MFGE8: variants seen among roughly 807,000 people sequenced by gnomAD.
The protein encoded by MFGE8 is lactadherin.
In MFGE8, 34 loss-of-function variants were observed where a neutral mutation model predicts 42.6. The observed-to-expected ratio is 0.80, with a 90% CI of 0.61 to 1.06. MFGE8 has a LOEUF of 1.06. Among genes scored for constraint, MFGE8 ranks in the 50% least tolerant of loss-of-function variants. The pLI, the probability that MFGE8 is intolerant of heterozygous loss-of-function variation, is 0.00. For missense variants in MFGE8, 510 were observed against 516.9 expected, an observed-to-expected ratio of 0.99 and a Z score of 0.13; for synonymous variants, 230 against 214.8, an observed-to-expected ratio of 1.07 and a Z score of -0.62.
rs1157949381 is a variant in MFGE8 at position 88,901,116 on chromosome 15, TACACATTCACACAC to T, written c.870+421_870+434del. ...ACATTCACAAATACACATTCACACA[TACACATTCACACAC>T]ACACATTCACACACACATTCTCACA... On this transcript the variant is annotated intron_variant, in intron 6 of 7. Transcript: ENST00000268150. 1.6e-4 allele frequency among the ~76,000 whole-genome samples: 10 copies of T among 62,912 alleles called. 3 individuals carry two copies. Among genetic ancestry groups the T allele is most frequent in the Admixed American group, 5.5e-4 (3 of 5,426 alleles). The allele number at this position is 62,912 out of a possible 152,430, so 41.3% of individuals were successfully genotyped here. A position where few individuals can be genotyped will look rare whatever the true frequency, so the allele number is the denominator to read the frequency against.
intron 1 of MFGE8, chr15:88,910,984 G>A (rs1395010378): frequency 6.6e-6 from 1 of 152,240 alleles, no homozygotes; most frequent in Non-Finnish European, 1.5e-5. Flanking sequence ...AGTTCCAATT[G>A]CGGGATGAAG....
At chr15:88,912,078 T>C (rs1898988423) in intron 1 of MFGE8, 2 of 1,278,742 alleles carry the variant, frequency 1.6e-6, no homozygotes, top group Non-Finnish European at 2.0e-6. Flanking sequence ...AACGGTCCAG[T>C]GGGAAAAAGG....
intron 1 of MFGE8, chr15:88,910,152 G>C (rs1386898322): frequency 4.0e-6 from 2 of 502,238 alleles, no homozygotes; most frequent in African/African-American, 3.9e-5. Flanking sequence ...AGCTTTCCAA[G>C]TGGCCTGGGA....
rs568619975 is a variant in MFGE8 at position 88,899,429 on chromosome 15, C to A, written c.1130G>T (p.Arg377Leu). The stretch of plus-strand genomic sequence containing the variant: ...CAGCAGCTCCAGGCGCAGGGCGATG[C>A]GGTTGTGCCAGGCTACAGGCAGGAT... ...VRILPVAWHN[R>L]IALRLELLGC The change falls in exon 8 of 8, where the codon CGC becomes CTC. Residue 377 changes from arginine to leucine, a missense_variant. By Grantham distance (102) the Arg-to-Leu change is moderately radical. Coordinates refer to ENST00000268150, the MANE Select transcript of MFGE8 (RefSeq NM_005928.4). The surrounding 1 kb of genome is among the most constrained non-coding windows in gnomAD (Gnocchi z 6.8). The A allele has an allele frequency of 1.2e-6, 2 of 1,614,186 alleles. No individual in the cohort carries two copies. Among genetic ancestry groups the A allele is most frequent in the Admixed American group, 1.7e-5 (1 of 60,032 alleles).
chr15:88,899,572 C>T lies in MFGE8; in HGVS notation c.1027-40G>A, dbSNP rs947897987. 4 of 1,613,990 alleles carry T rather than the reference C, an allele frequency of 2.5e-6. No homozygotes were observed. The highest frequency in any genetic ancestry group is 3.4e-6 in the Non-Finnish European group (4 of 1,180,028). ...GGTGTCAGGAGGACCCCGAGCCAGCCCCCCTCCCCTCAGAGCCCCAGGCCA... is the reference window on the plus strand; with the variant it reads ...GGTGTCAGGAGGACCCCGAGCCAGCTCCCCTCCCCTCAGAGCCCCAGGCCA... On this transcript the variant is annotated intron_variant, in intron 7 of 7. Coordinates refer to ENST00000268150, the MANE Select transcript of MFGE8 (RefSeq NM_005928.4). This position sits in a 1 kb window ranked among gnomAD's most constrained non-coding sequence, Gnocchi z 6.8.
chr15:88,901,303 ACT>A lies in MFGE8; in HGVS notation c.870+246_870+247del, dbSNP rs1482120693. On this transcript the variant is annotated intron_variant, in intron 6 of 7. Transcript: ENST00000268150. ...CACTCACATTCACACACATTCACACACTCACACACACACATTCACACACACAC... is the reference window on the plus strand; with the variant it reads ...CACTCACATTCACACACATTCACACACACACACACACATTCACACACACAC... 1.6e-4 allele frequency among the ~76,000 whole-genome samples: 22 copies of A among 138,724 alleles called. 3 individuals carry two copies. The highest frequency in any genetic ancestry group is 3.0e-4 in the Admixed American group (4 of 13,162). 91.0% of individuals were successfully genotyped at this position (138,724 alleles called of 152,430 possible).
rs906646882 is a variant in MFGE8, at chr15:88,905,430, C to T, written c.685+327G>A. The T allele has an allele frequency of 2.4e-5, 13 of 530,804 alleles. No homozygotes were observed. The highest frequency in any genetic ancestry group is 4.3e-5 in the Non-Finnish European group (12 of 276,710). The allele number at this position is 530,804 out of a possible 1,614,324, so 32.9% of individuals were successfully genotyped here. A position where few individuals can be genotyped will look rare whatever the true frequency, so the allele number is the denominator to read the frequency against. Reference sequence around the variant, plus strand: ...AGACAGATTCTCTGCCCTCGTAAAGCTGACATCTGCCAAACACACCTAACG... The same window carrying T: ...AGACAGATTCTCTGCCCTCGTAAAGTTGACATCTGCCAAACACACCTAACG... On this transcript the variant is annotated intron_variant, in intron 5 of 7. Coordinates refer to ENST00000268150, the MANE Select transcript of MFGE8 (RefSeq NM_005928.4). The surrounding 1 kb of genome is among the most constrained non-coding windows in gnomAD (Gnocchi z 6.6).
rs1198974164 is a variant in MFGE8, at chr15:88,901,547, C to T, written c.870+4G>A. On this transcript the variant is annotated splice_donor_region_variant and intron_variant, in intron 6 of 7. Coordinates refer to ENST00000268150, the MANE Select transcript of MFGE8 (RefSeq NM_005928.4). ...AGCCCCATATCCCAAGAAGGCTGAC[C>T]CACCTGCAGCCACTGATCGTTACCG... is the stretch of plus-strand genomic sequence containing the variant. 6.2e-7 allele frequency: 1 copy of T among 1,613,124 alleles called. No homozygotes were observed. The highest frequency in any genetic ancestry group is 1.3e-5 in the African/African-American group (1 of 74,980).
At chr15:88,904,880 C>G (rs1418859909) in intron 5 of MFGE8, 1 of 152,832 alleles carries the variant, frequency 6.5e-6, no homozygotes, top group African/African-American at 2.4e-5. Context: ...TAAGAACCTC[C>G]ACTCTGCAGC....
chr15:88,909,052 CACATGTGGG>C lies in MFGE8; in HGVS notation c.205+731_205+739del, dbSNP rs944625223. Among the ~76,000 whole-genome samples, 18 of 152,334 alleles carry C rather than the reference CACATGTGGG, an allele frequency of 1.2e-4. No individual in the cohort carries two copies. The South Asian group carries it at 2.3e-3, about 19-fold the overall frequency. The stretch of plus-strand genomic sequence containing the variant: ...CCCCCGCTCCACCCATCCCTGGGCC[CACATGTGGG>C]CAACCCGCCTGCCCCATGAGGAGTC... On this transcript the variant is annotated intron_variant, in intron 2 of 7. Coordinates refer to ENST00000268150, the MANE Select transcript of MFGE8 (RefSeq NM_005928.4).
chr15:88,899,754 A>T lies in MFGE8; in HGVS notation c.928T>A (p.Phe310Ile). Reference protein sequence around the residue: ...TGIITQGARNFGSVQFVASYK... With the variant: ...TGIITQGARNIGSVQFVASYK... ...GATGCCACAAACTGGACAGAGCCAAAGTTACGGGCCCCCTGGGTGATGATG... is the reference window on the plus strand; with the variant it reads ...GATGCCACAAACTGGACAGAGCCAATGTTACGGGCCCCCTGGGTGATGATG... The change falls in exon 7 of 8, where the codon TTT (phenylalanine) becomes ATT (isoleucine). Residue 310 changes from phenylalanine (F) to isoleucine (I), a missense_variant. By Grantham distance (21) the Phe-to-Ile change is conservative. Coordinates refer to ENST00000268150, the MANE Select transcript of MFGE8 (RefSeq NM_005928.4). The surrounding 1 kb of genome is among the most constrained non-coding windows in gnomAD (Gnocchi z 6.8). The T allele has an allele frequency of 6.2e-7, 1 of 1,614,158 alleles. No individual in the cohort carries two copies. Among genetic ancestry groups the T allele is most frequent in the Non-Finnish European group, 8.5e-7 (1 of 1,179,996 alleles).
chr15:88,900,710 T>A (rs1898319870), intron 6 of MFGE8: 1 of 985,422 alleles, frequency 1.0e-6, no homozygotes, highest in Non-Finnish European at 1.2e-6. Context: ...GCTCTCGGCT[T>A]CCTCATCTAT....
intron 2 of MFGE8, among the ~76,000 whole-genome samples, chr15:88,908,469 G>T (rs886149477): frequency 2.0e-5 from 3 of 152,170 alleles, no homozygotes; most frequent in Non-Finnish European, 4.4e-5. Context: ...CAGGGTCCTT[G>T]TTGGCTCCAA....
In MFGE8 at chr15:88,899,327, A is replaced by G; in HGVS notation, c.*68T>C. ...AGTCCCCAGCCCTATGGTGATTTAA[A>G]GGGGCTGAGAAGCCAAGAGGCAGCG... On this transcript the variant is annotated 3_prime_UTR_variant, in exon 8 of 8. Transcript: ENST00000268150. The surrounding 1 kb of genome is among the most constrained non-coding windows in gnomAD (Gnocchi z 6.8). 6 of 1,603,726 alleles carry G rather than the reference A, an allele frequency of 3.7e-6. No individual in the cohort carries two copies. The highest frequency in any genetic ancestry group is 5.1e-6 in the Non-Finnish European group (6 of 1,176,322).
rs1898498640 is a variant in MFGE8 at position 88,902,900 on chromosome 15, C to T, written c.686-1165G>A. On this transcript the variant is annotated intron_variant, in intron 5 of 7. Transcript: ENST00000268150. This position sits in a 1 kb window ranked among gnomAD's most constrained non-coding sequence, Gnocchi z 4.3. ...ATATCACTGCCCTCCAATACTCTCA[C>T]CACTCAAGAGTACTGGGAGCCAGCT... is the stretch of plus-strand genomic sequence containing the variant. 6.6e-6 allele frequency: 1 copy of T among 152,224 alleles called. No individual in the cohort carries two copies. Among genetic ancestry groups the T allele is most frequent in the African/African-American group, 2.4e-5 (1 of 41,438 alleles). The allele number at this position is 152,224 out of a possible 1,614,324, so 9.4% of individuals were successfully genotyped here.
chr15:88,899,902 T>G lies in MFGE8; in HGVS notation c.871-91A>C. The G allele has an allele frequency of 8.8e-6, 13 of 1,477,002 alleles. No homozygotes were observed. Among genetic ancestry groups the G allele is most frequent in the Non-Finnish European group, 1.2e-5 (13 of 1,067,934 alleles). The allele number at this position is 1,477,002 out of a possible 1,614,324, so 91.5% of individuals were successfully genotyped here. ...CACACTGAGGCATGAATTCTAGTTTTGAAAAAAACTACTTGGGTGAGCCTC... is the reference window on the plus strand; with the variant it reads ...CACACTGAGGCATGAATTCTAGTTTGGAAAAAAACTACTTGGGTGAGCCTC... On this transcript the variant is annotated intron_variant, in intron 6 of 7. Transcript: ENST00000268150. The surrounding 1 kb of genome is among the most constrained non-coding windows in gnomAD (Gnocchi z 6.8).
intron 1 of MFGE8, chr15:88,912,797 A>C (rs1477397642): frequency 1.3e-5 from 13 of 985,374 alleles, no homozygotes; most frequent in Non-Finnish European, 1.6e-5. Context: ...GCAAAAATCC[A>C]ATGAACTGTC....
chr15:88,907,708 C>CT (rs970365525), intron 2 of MFGE8, among the ~76,000 whole-genome samples: 2 of 150,820 alleles, frequency 1.3e-5, no homozygotes, highest in East Asian at 3.9e-4. Flanking sequence ...AAGTAGAGTC[C>CT]CCCCCGCCAG....
chr15:88,901,032 CAT>C lies in MFGE8; in HGVS notation c.870+517_870+518del, dbSNP rs1214164828. The stretch of plus-strand genomic sequence containing the variant: ...ACACACACACACATTCTCACACACA[CAT>C]ATTCACACACATTCACACATACACA... On this transcript the variant is annotated intron_variant, in intron 6 of 7. Transcript: ENST00000268150. Among the ~76,000 whole-genome samples, 7 of 151,084 alleles carry C rather than the reference CAT, an allele frequency of 4.6e-5. 1 individual carries two copies. Among genetic ancestry groups the C allele is most frequent in the African/African-American group, 2.4e-5 (1 of 40,982 alleles).
Sources: gnomAD v4.1 joint callset for allele counts (sites outside exome capture counted in the v4.1 genomes callset) on GRCh38, gnomAD v4.1.1 for gene constraint, Gnocchi (gnomAD v3.1) non-coding constraint, MANE v1.5 for transcripts, NCBI Gene and HGNC (gene_info 2026-07-23, HGNC 2026-07-21) for gene names.